Variants in MAP3K5 observed in about 807,000 individuals in gnomAD.
The protein encoded by MAP3K5 is mitogen-activated protein kinase kinase kinase 5.
A neutral mutation model predicts 158.7 loss-of-function variants in MAP3K5; 56 were observed. The ratio of observed to expected loss-of-function variants is 0.35; its 90% CI spans 0.28 to 0.44. MAP3K5 has a LOEUF of 0.44. Among genes scored for constraint, MAP3K5 ranks in the 20% least tolerant of loss-of-function variants. The pLI, the probability that MAP3K5 is intolerant of heterozygous loss-of-function variation, is 1.00. For synonymous variants in MAP3K5, 579 were observed against 601.7 expected (o/e 0.96, Z 0.55); for missense variants, 1,294 against 1,674.8 (o/e 0.77, Z 3.97).
chr6:136,728,493 AG>A (rs942409881), intron 1 of MAP3K5, among the ~76,000 whole-genome samples: 6 of 152,298 alleles, frequency 3.9e-5, no homozygotes, highest in Admixed American at 1.3e-4. Flanking sequence ...TCTATCATCA[AG>A]GTCTTGAACT....
intron 1 of MAP3K5, 44 bp downstream of exon 1, chr6:136,791,666 G>C (rs773871807): frequency 1.3e-5 from 21 of 1,594,662 alleles, no homozygotes; most frequent in Non-Finnish European, 1.7e-5. Flanking sequence ...CAGATTAAAC[G>C]CGGGTCCCGA....
chr6:136,631,449 G>C (rs1049622243), intron 14 of MAP3K5, among the ~76,000 whole-genome samples: 8 of 151,284 alleles, frequency 5.3e-5, no homozygotes, highest in African/African-American at 1.9e-4. Context: ...CATCAGAAAA[G>C]AAAACAGTAA....
chr6:136,701,616 C>T (rs1479892015), intron 3 of MAP3K5, among the ~76,000 whole-genome samples: 2 of 152,120 alleles, frequency 1.3e-5, no homozygotes, highest in Admixed American at 6.6e-5. Context: ...AAGCTACTGC[C>T]GAAGCAGAAA....
At chr6:136,709,324 C>T (rs907904297) in intron 2 of MAP3K5, among the ~76,000 whole-genome samples, 2 of 152,154 alleles carry the variant, frequency 1.3e-5, no homozygotes, top group African/African-American at 4.8e-5. Flanking sequence ...TATGGCTCTG[C>T]TCCCAGCTAG....
intron 1 of MAP3K5, among the ~76,000 whole-genome samples, chr6:136,778,876 T>C (rs1359209331): frequency 6.6e-6 from 1 of 152,200 alleles, no homozygotes; most frequent in Non-Finnish European, 1.5e-5. Context: ...AAAGATTAAA[T>C]AGGCCGGGTG....
intron 12 of MAP3K5, among the ~76,000 whole-genome samples, chr6:136,642,015 T>TAAATAAAATAAATA (rs1777974914): frequency 9.0e-6 from 1 of 110,574 alleles, no homozygotes; most frequent in Non-Finnish European, 1.8e-5. Context: ...TAAAATAAAA[T>TAAATAAAATAAATA]AAATAAAATA....
At chr6:136,670,565 A>G (rs1779438338) in intron 7 of MAP3K5, among the ~76,000 whole-genome samples, 2 of 152,192 alleles carry the variant, frequency 1.3e-5, no homozygotes, top group Admixed American at 1.3e-4. Flanking sequence ...TGTAAATAAA[A>G]GACAGGAATA....
intron 12 of MAP3K5, among the ~76,000 whole-genome samples, chr6:136,641,577 G>A (rs1034013958): frequency 8.6e-5 from 13 of 151,498 alleles, no homozygotes; most frequent in African/African-American, 2.9e-4. Flanking sequence ...TGTGACAGCA[G>A]TCAGAACTGA....
At chr6:136,637,280 G>A in intron 14 of MAP3K5, 45 bp downstream of exon 14, 1 of 1,465,482 alleles carries the variant, frequency 6.8e-7, no homozygotes, top group East Asian at 2.3e-5. Flanking sequence ...CAAATAGTTT[G>A]TTTTAAAATG....
chr6:136,602,310 C>CT (rs1260175066), intron 19 of MAP3K5, among the ~76,000 whole-genome samples: 3 of 151,768 alleles, frequency 2.0e-5, no homozygotes, highest in Non-Finnish European at 2.9e-5. Context: ...TTCTTTCTTT[C>CT]TTTTTTTTGA....
chr6:136,662,488 G>C (rs1779046378), intron 8 of MAP3K5, among the ~76,000 whole-genome samples: 1 of 151,980 alleles, frequency 6.6e-6, no homozygotes, highest in South Asian at 2.1e-4. Context: ...ATATTTAGAA[G>C]TCCGTTCTCT....
chr6:136,791,958 C>A lies in MAP3K5; in HGVS notation c.200G>T (p.Cys67Phe), dbSNP rs1024148027. 1.4e-5 allele frequency: 23 copies of A among 1,610,384 alleles called. No individual in the cohort carries two copies. Among genetic ancestry groups the A allele is most frequent in the Middle Eastern group, 1.7e-4 (1 of 6,002 alleles). Residue 67 changes from cysteine (C) to phenylalanine (F), a missense_variant, in exon 1 of 30, where the codon TGT (cysteine) becomes TTT (phenylalanine). Cys to Phe is a radical substitution (Grantham distance 205). Around this residue, in one of 5 missense-constraint regions of MAP3K5, gnomAD observed 690 missense variants for 870.5 expected, o/e 0.79. Coordinates refer to ENST00000359015, the MANE Select transcript of MAP3K5 (RefSeq NM_005923.4). ...ACTGCTCGAGGAGGTGGCCGCCGGA[C>A]AACCGATGCCAGGGGCAGCGGCGCT... ...VESAAAPGIG[C>F]PAATSSSSAT...
upstream of MAP3K5, among the ~76,000 whole-genome samples, chr6:136,793,020 G>A (rs1390705137): frequency 6.6e-6 from 1 of 152,138 alleles, no homozygotes; most frequent in African/African-American, 2.4e-5. Flanking sequence ...TCACCCACCC[G>A]GCCCCCACCT....
rs73562201 is a variant in MAP3K5, at chr6:136,732,064, G to A, written c.449-11475C>T. Among the ~76,000 whole-genome samples, 401 of 152,320 alleles carry A rather than the reference G, an allele frequency of 2.6e-3. 1 individual carries two copies. The highest frequency in any genetic ancestry group is 9.2e-3 in the African/African-American group (383 of 41,564). On this transcript the variant is annotated intron_variant, in intron 1 of 29. Coordinates refer to ENST00000359015, the MANE Select transcript of MAP3K5 (RefSeq NM_005923.4). ...GATCTCTGTATTTTCAGATGAGACAGATGGGTTGGGTTCTATGACAGAGGA... is the reference window on the plus strand; with the variant it reads ...GATCTCTGTATTTTCAGATGAGACAAATGGGTTGGGTTCTATGACAGAGGA...
At chr6:136,720,307 C>T (rs889863744) in intron 2 of MAP3K5, 143 bp downstream of exon 2, 28 of 652,052 alleles carry the variant, frequency 4.3e-5, no homozygotes, top group Non-Finnish European at 6.0e-5. Context: ...ATAAACCTCC[C>T]AATTTGACAA....
At chr6:136,769,810 AGGGGACGGG>A (rs1784120495) in intron 1 of MAP3K5, among the ~76,000 whole-genome samples, 2 of 26,330 alleles carry the variant, frequency 7.6e-5, no homozygotes, top group Non-Finnish European at 1.4e-4. Flanking sequence ...GGAGGGAGGG[AGGGGACGGG>A]AGGGAGGGAG....
intron 15 of MAP3K5, among the ~76,000 whole-genome samples, chr6:136,618,363 C>A (rs1284526468): frequency 6.6e-5 from 10 of 152,202 alleles, no homozygotes; most frequent in African/African-American, 2.4e-4. Context: ...ATGCCCTGCA[C>A]CAGCTGTTCA....
chr6:136,723,365 T>C (rs537317286), intron 1 of MAP3K5, among the ~76,000 whole-genome samples: 4 of 152,192 alleles, frequency 2.6e-5, no homozygotes, highest in East Asian at 1.9e-4. Flanking sequence ...AGGTATAGCA[T>C]ATACATTAAA....
chr6:136,658,899 G>A (rs1434916477), intron 9 of MAP3K5, among the ~76,000 whole-genome samples: 1 of 152,194 alleles, frequency 6.6e-6, no homozygotes, highest in Non-Finnish European at 1.5e-5. Context: ...TGTGGTCTCA[G>A]GCCCCGAACA....
Sources: allele counts gnomAD v4.1 joint callset (sites outside exome capture counted in the v4.1 genomes callset), GRCh38; gene constraint gnomAD v4.1.1; regional missense constraint gnomAD v4.1.1; transcripts MANE v1.5; gene names NCBI Gene and HGNC (gene_info 2026-07-23, HGNC 2026-07-21).